Variants in WIPF2 observed in about 807,000 individuals in gnomAD.
WIPF2 encodes the protein WAS/WASL interacting protein family member 2, also known as WAS/WASL-interacting protein family member 2.
WIPF2 carries 23 observed loss-of-function variants against 38.8 expected under a neutral mutation model. That is an observed-to-expected ratio of 0.59 (90% confidence interval 0.43 to 0.84). WIPF2 has a LOEUF of 0.84. Ranked by LOEUF, WIPF2 falls within the 40% of genes least tolerant of loss-of-function variation. WIPF2 has a pLI of 0.00. For synonymous variants in WIPF2, 210 were observed against 223.2 expected, an observed-to-expected ratio of 0.94 and a Z score of 0.53; for missense variants, 574 against 580.5, an observed-to-expected ratio of 0.99 and a Z score of 0.11.
In WIPF2 at chr17:40,282,845, G is replaced by A. The variant is rs1253529228; in HGVS notation, c.*4620G>A. 2.0e-5 allele frequency: 3 copies of A among 152,092 alleles called. No individual in the cohort carries two copies. The highest frequency in any genetic ancestry group is 7.2e-5 in the African/African-American group (3 of 41,404). The allele number at this position is 152,092 out of a possible 1,614,324, so 9.4% of individuals were successfully genotyped here. A position where few individuals can be genotyped will look rare whatever the true frequency, so the allele number is the denominator to read the frequency against. On this transcript the variant is annotated 3_prime_UTR_variant, in exon 8 of 8. Coordinates refer to ENST00000323571, the MANE Select transcript of WIPF2 (RefSeq NM_133264.5). ...ACTGAATTGGGCAGACTCATCTATA[G>A]CTTTCTGAGGGTCTTCTCTCCTCCT... is the stretch of plus-strand genomic sequence containing the variant.
Position 40,242,387 on chromosome 17 carries a change from A to G in WIPF2, c.-69-14004A>G, listed in dbSNP as rs117884542. On this transcript the variant is annotated intron_variant, in intron 1 of 7. Transcript: ENST00000323571. Reference sequence around the variant, plus strand: ...TTTCTCAAGGAAGAAAGAAAGAAAAACCAAGAAATTTTTTGTTGTTGTTGT... The same window carrying G: ...TTTCTCAAGGAAGAAAGAAAGAAAAGCCAAGAAATTTTTTGTTGTTGTTGT... Among the ~76,000 whole-genome samples, 127 of 151,978 alleles carry G rather than the reference A, an allele frequency of 8.4e-4. No individual in the cohort carries two copies. In the East Asian group the frequency reaches 0.011, roughly 13 times the overall value.
chr17:40,239,121 G>T (rs2031090351), intron 1 of WIPF2, among the ~76,000 whole-genome samples: 1 of 150,714 alleles, frequency 6.6e-6, no homozygotes, highest in South Asian at 2.1e-4. Context: ...GCCCAGGCTG[G>T]AATGCAGTGG....
intron 2 of WIPF2, among the ~76,000 whole-genome samples, chr17:40,257,551 G>A (rs907066311): frequency 4.0e-5 from 6 of 151,832 alleles, no homozygotes; most frequent in East Asian, 1.9e-4. Context: ...GATGGCTCAC[G>A]CCTGTAATCC....
intron 1 of WIPF2, among the ~76,000 whole-genome samples, chr17:40,228,010 GT>G (rs1175714533): frequency 7.4e-4 from 59 of 79,246 alleles, no homozygotes; most frequent in African/African-American, 1.9e-3. Flanking sequence ...ACCTCTTTTT[GT>G]TTTTTTTTTT....
chr17:40,255,917 C>T (rs1048484376), intron 1 of WIPF2, among the ~76,000 whole-genome samples: 13 of 151,682 alleles, frequency 8.6e-5, no homozygotes, highest in African/African-American at 2.2e-4. Context: ...TGAGCCACCG[C>T]GCCTGGCCCA....
intron 1 of WIPF2, among the ~76,000 whole-genome samples, chr17:40,230,776 G>A (rs1300711247): frequency 1.3e-5 from 2 of 152,140 alleles, no homozygotes; most frequent in African/African-American, 4.8e-5. Flanking sequence ...GTTAGGGAAT[G>A]TTGACTGTTT....
At chr17:40,241,454 G>A (rs1304479300) in intron 1 of WIPF2, among the ~76,000 whole-genome samples, 2 of 152,136 alleles carry the variant, frequency 1.3e-5, no homozygotes, top group African/African-American at 4.8e-5. Flanking sequence ...CTGGATTTCT[G>A]AATTAGCATG....
intron 1 of WIPF2, among the ~76,000 whole-genome samples, chr17:40,253,269 A>G (rs1313526478): frequency 6.7e-6 from 1 of 150,252 alleles, no homozygotes; most frequent in African/African-American, 2.5e-5. Flanking sequence ...TCACTGTGTT[A>G]GCCAGGATGG....
intron 1 of WIPF2, among the ~76,000 whole-genome samples, chr17:40,231,799 T>TATG (rs1353264832): frequency 6.6e-6 from 1 of 151,904 alleles, no homozygotes; most frequent in Non-Finnish European, 1.5e-5. Context: ...TAATATGAGA[T>TATG]ATGGCTAGCT....
intron 1 of WIPF2, among the ~76,000 whole-genome samples, chr17:40,246,093 CTT>C (rs552563309): frequency 8.5e-5 from 12 of 140,380 alleles, no homozygotes; most frequent in South Asian, 2.2e-4. Flanking sequence ...CAATGCTACT[CTT>C]TTTTTTTTTT....
chr17:40,241,039 T>C (rs2031173278), intron 1 of WIPF2, among the ~76,000 whole-genome samples: 1 of 152,192 alleles, frequency 6.6e-6, no homozygotes, highest in South Asian at 2.1e-4. Context: ...TTTAACATGT[T>C]ATTCAACATA....
chr17:40,219,359 A>AAGGGGCGGTGGC lies in WIPF2; in HGVS notation c.-202_-191dup, dbSNP rs2030058160. 1 of 359,904 alleles carries AAGGGGCGGTGGC rather than the reference A, an allele frequency of 2.8e-6. No individual in the cohort carries two copies. Among genetic ancestry groups the AAGGGGCGGTGGC allele is most frequent in the African/African-American group, 2.4e-5 (1 of 41,946 alleles). The allele number at this position is 359,904 out of a possible 1,614,324, so 22.3% of individuals were successfully genotyped here. A position where few individuals can be genotyped will look rare whatever the true frequency, so the allele number is the denominator to read the frequency against. On this transcript the variant is annotated 5_prime_UTR_variant, in exon 1 of 8. Coordinates refer to ENST00000323571, the MANE Select transcript of WIPF2 (RefSeq NM_133264.5). ...AGCAGATCCATTTCCGGGTTGGCAA[A>AAGGGGCGGTGGC]AGGGGCGGTGGCGGCGGCGGCGGCG...
rs2032580651 is a variant in WIPF2 at position 40,282,827 on chromosome 17, T to G, written c.*4602T>G. 6.6e-6 allele frequency: 1 copy of G among 152,128 alleles called. No homozygotes were observed. Among genetic ancestry groups the G allele is most frequent in the Admixed American group, 6.5e-5 (1 of 15,270 alleles). 9.4% of individuals were successfully genotyped at this position (152,128 alleles called of 1,614,324 possible). On this transcript the variant is annotated 3_prime_UTR_variant, in exon 8 of 8. Coordinates refer to ENST00000323571, the MANE Select transcript of WIPF2 (RefSeq NM_133264.5). ...CCTTGAAAAAGTAGATCTACTGAAT[T>G]GGGCAGACTCATCTATAGCTTTCTG...
intron 1 of WIPF2, among the ~76,000 whole-genome samples, chr17:40,249,539 T>C (rs974799479): frequency 2.0e-5 from 3 of 151,904 alleles, no homozygotes; most frequent in Non-Finnish European, 4.4e-5. Flanking sequence ...AACCTCTGTC[T>C]GCCTCCTGGG....
intron 1 of WIPF2, among the ~76,000 whole-genome samples, chr17:40,231,423 A>G (rs903745741): frequency 7.5e-6 from 1 of 132,576 alleles, no homozygotes; most frequent in Non-Finnish European, 1.6e-5. Context: ...GTGCTTTTCT[A>G]CCTTTTTTTT....
chr17:40,234,221 G>A (rs1041125357), intron 1 of WIPF2, among the ~76,000 whole-genome samples: 39 of 152,208 alleles, frequency 2.6e-4, no homozygotes, highest in South Asian at 1.7e-3. Flanking sequence ...ACAAAAATTA[G>A]CTGGGTGTGG....
At chr17:40,232,179 ATTTTTT>A (rs752876006) in intron 1 of WIPF2, among the ~76,000 whole-genome samples, 3 of 76,052 alleles carry the variant, frequency 3.9e-5, no homozygotes, top group East Asian at 4.7e-4. Flanking sequence ...TGCCTGGCTA[ATTTTTT>A]TTTTTTTTTT....
At chr17:40,237,262 A>C (rs2031010484) in intron 1 of WIPF2, among the ~76,000 whole-genome samples, 1 of 125,400 alleles carries the variant, frequency 8.0e-6, no homozygotes. Context: ...TTTTTTTGAG[A>C]CAGAGTCTCA....
At position 40,283,200 on chromosome 17, in the gene WIPF2, G is replaced by C. The variant is rs1022957205; in HGVS notation, c.*4975G>C. 3.3e-5 allele frequency: 4 copies of C among 120,946 alleles called. No homozygotes were observed. The highest frequency in any genetic ancestry group is 9.4e-5 in the African/African-American group (3 of 31,918). 7.5% of individuals were successfully genotyped at this position (120,946 alleles called of 1,614,324 possible). On this transcript the variant is annotated 3_prime_UTR_variant, in exon 8 of 8. Coordinates refer to ENST00000323571, the MANE Select transcript of WIPF2 (RefSeq NM_133264.5). ...AAAAAAAAAAAAAAAAAATTCTAGA[G>C]TTCTAGTTACCCTTCCTGGGAGATT...
Sources: gnomAD v4.1 joint callset for allele counts (sites outside exome capture counted in the v4.1 genomes callset) on GRCh38, gnomAD v4.1.1 for gene constraint, MANE v1.5 for transcripts, NCBI Gene and HGNC (gene_info 2026-07-23, HGNC 2026-07-21) for gene names.